INO80: variants seen among roughly 807,000 people sequenced by gnomAD.
INO80 encodes the protein INO80 complex ATPase subunit.
Under a neutral mutation model 203.4 loss-of-function variants are expected in INO80, and 20 were observed. The ratio of observed to expected loss-of-function variants is 0.10; its 90% CI spans 0.07 to 0.14. The LOEUF (loss-of-function observed/expected upper bound fraction) is 0.14, where lower values mean the gene tolerates loss of function less well. Ranked by LOEUF, INO80 falls within the 10% of genes least tolerant of loss-of-function variation. The pLI is 1.00. For synonymous variants in INO80, 726 were observed against 685.2 expected (o/e 1.06, Z -0.93); for missense variants, 1,419 against 1,914.4 (o/e 0.74, Z 4.83).
chr15:41,015,028 T>G (rs778859525), intron 27 of INO80, among the ~76,000 whole-genome samples: 1 of 152,226 alleles, frequency 6.6e-6, no homozygotes, highest in Non-Finnish European at 1.5e-5. Flanking sequence ...TCAAACTTTA[T>G]TTATATAAAG....
At chr15:41,015,931 T>A (rs2044199379) in intron 27 of INO80, among the ~76,000 whole-genome samples, 157 bp downstream of exon 27, 1 of 143,362 alleles carries the variant, frequency 7.0e-6, no homozygotes. Flanking sequence ...GGTGATAGAG[T>A]GAGACTCTGT....
chr15:41,052,253 G>T (rs1202636438), intron 19 of INO80, among the ~76,000 whole-genome samples: 2 of 152,080 alleles, frequency 1.3e-5, no homozygotes, highest in Non-Finnish European at 2.9e-5. Context: ...TTGTATCTAT[G>T]TGACATTGCT....
chr15:41,104,563 A>G (rs1424745117), intron 1 of INO80, among the ~76,000 whole-genome samples: 2 of 151,438 alleles, frequency 1.3e-5, no homozygotes, highest in African/African-American at 2.4e-5. Context: ...TTTAAAGGGG[A>G]GTCTTGCTCT....
intron 32 of INO80, among the ~76,000 whole-genome samples, chr15:40,985,062 A>C (rs1255941687): frequency 6.6e-6 from 1 of 152,152 alleles, no homozygotes; most frequent in East Asian, 1.9e-4. Context: ...TCTTAGTCAC[A>C]TTTTAGCCTT....
Position 40,985,358 on chromosome 15 carries a change from G to A in INO80, c.3901C>T (p.Arg1301Trp), listed in dbSNP as rs752730436. The change falls in exon 32 of 36, where the codon CGG (arginine) becomes TGG (tryptophan). Residue 1301 changes from arginine (R) to tryptophan (W), a missense_variant. Coordinates refer to ENST00000648947, the MANE Select transcript of INO80 (RefSeq NM_017553.3). ...TNRVKERKRK[R>W]EKYAEKKKKE... The stretch of plus-strand genomic sequence containing the variant: ...AATACCTTCTCTGCATACTTTTCCC[G>A]CTTCCGCTTGCGCTCTTTCACTCGG... 8 of 1,613,584 alleles carry A rather than the reference G, an allele frequency of 5.0e-6. No homozygotes were observed. Among genetic ancestry groups the A allele is most frequent in the Admixed American group, 1.7e-5 (1 of 60,010 alleles).
chr15:41,066,668 T>TA (rs888014755), intron 14 of INO80, among the ~76,000 whole-genome samples: 38 of 143,638 alleles, frequency 2.6e-4, no homozygotes, highest in East Asian at 8.1e-4. Flanking sequence ...ACCATAAAAT[T>TA]AAAAAAAAAA....
intron 1 of INO80, among the ~76,000 whole-genome samples, chr15:41,109,549 G>A (rs2045929814): frequency 6.6e-6 from 1 of 151,988 alleles, no homozygotes; most frequent in Non-Finnish European, 1.5e-5. Flanking sequence ...GGCACTTTGG[G>A]AGGTTGGGAG....
At chr15:41,031,278 A>T (rs2044457831) in intron 24 of INO80, among the ~76,000 whole-genome samples, 1 of 151,982 alleles carries the variant, frequency 6.6e-6, no homozygotes, top group East Asian at 2.0e-4. Flanking sequence ...ACATTGCTAG[A>T]TATAGAAAAA....
intron 18 of INO80, among the ~76,000 whole-genome samples, chr15:41,054,471 A>G (rs1160720439): frequency 6.6e-6 from 1 of 152,204 alleles, no homozygotes; most frequent in Non-Finnish European, 1.5e-5. Context: ...TTATTCAACA[A>G]TATCAAAAGT....
intron 14 of INO80, among the ~76,000 whole-genome samples, chr15:41,066,291 G>A (rs551139133): frequency 1.3e-5 from 2 of 151,762 alleles, no homozygotes; most frequent in Non-Finnish European, 2.9e-5. Context: ...TTTTTTATAA[G>A]CTTGGTCTGC....
At chr15:41,021,174 C>A in intron 25 of INO80, 49 bp from the exon 26 acceptor site, 1 of 1,307,766 alleles carries the variant, frequency 7.6e-7, no homozygotes, top group South Asian at 1.2e-5. Flanking sequence ...TGTCCATACA[C>A]ACTATGCCTT....
intron 24 of INO80, among the ~76,000 whole-genome samples, chr15:41,036,181 A>AC (rs1398733122): frequency 6.7e-6 from 1 of 149,386 alleles, no homozygotes; most frequent in African/African-American, 2.4e-5. Flanking sequence ...AAAAAAAAAA[A>AC]AAAACCCAAA....
chr15:41,105,033 C>G (rs2045862917), intron 1 of INO80, among the ~76,000 whole-genome samples: 1 of 152,086 alleles, frequency 6.6e-6, no homozygotes, highest in Admixed American at 6.6e-5. Flanking sequence ...GGTAATTCAT[C>G]CCAAAGACAA....
chr15:41,096,848 G>C (rs1000385886), intron 1 of INO80, among the ~76,000 whole-genome samples: 2 of 152,124 alleles, frequency 1.3e-5, no homozygotes, highest in Non-Finnish European at 2.9e-5. Context: ...ATTTACAAGG[G>C]AATAGATGTA....
chr15:41,092,855 G>A (rs1017721038), intron 4 of INO80, among the ~76,000 whole-genome samples: 11 of 152,072 alleles, frequency 7.2e-5, no homozygotes, highest in African/African-American at 2.2e-4. Context: ...CCGGGAGTTC[G>A]AGACTAGCTT....
At chr15:41,092,418 A>G (rs759528471) in intron 4 of INO80, among the ~76,000 whole-genome samples, 1 of 152,250 alleles carries the variant, frequency 6.6e-6, no homozygotes, top group Non-Finnish European at 1.5e-5. Context: ...CAACAAGGCT[A>G]AAAATTCCTC....
At chr15:41,108,316 G>A (rs1472649138) in intron 1 of INO80, among the ~76,000 whole-genome samples, 1 of 151,408 alleles carries the variant, frequency 6.6e-6, no homozygotes, top group Non-Finnish European at 1.5e-5. Context: ...TAGGCCGGGC[G>A]TGGTGGCTCA....
intron 14 of INO80, among the ~76,000 whole-genome samples, chr15:41,061,287 A>G (rs529726218): frequency 4.6e-4 from 66 of 143,008 alleles, no homozygotes; most frequent in East Asian, 1.7e-3. Context: ...GCAACAGAGC[A>G]AGACTTTGTT....
intron 28 of INO80, among the ~76,000 whole-genome samples, chr15:40,998,016 CTTTTTTTT>C (rs10572892): frequency 1.3e-5 from 1 of 75,178 alleles, no homozygotes; most frequent in African/African-American, 5.5e-5. Context: ...CCAAAACACT[CTTTTTTTT>C]TTTTTTTTTT....
Sources: gnomAD v4.1 joint callset for allele counts (sites outside exome capture counted in the v4.1 genomes callset) on GRCh38, gnomAD v4.1.1 for gene constraint, MANE v1.5 for transcripts, NCBI Gene and HGNC (gene_info 2026-07-23, HGNC 2026-07-21) for gene names.